The following USH2A variants were observed in gnomAD, a reference collection of about 807,000 sequenced individuals.
USH2A encodes the protein Usher syndrome 2A (autosomal recessive, mild).
USH2A carries 443 observed loss-of-function variants against 538.9 expected under a neutral mutation model. The ratio of observed to expected loss-of-function variants is 0.82; its 90% confidence interval spans 0.76 to 0.89. The LOEUF (loss-of-function observed/expected upper bound fraction) is 0.89, where lower values mean the gene tolerates loss of function less well. Ranked by LOEUF, USH2A falls within the 40% of genes least tolerant of loss-of-function variation. The pLI is 0.00. For synonymous variants in USH2A, 2,413 were observed against 2,273.5 expected (o/e 1.06, Z -1.75); for missense variants, 6,633 against 6,324.8 (o/e 1.05, Z -1.65).
chr1:216,324,229 C>G lies in USH2A; in HGVS notation c.1267G>C (p.Gly423Arg). 6.2e-7 allele frequency: 1 copy of G among 1,613,260 alleles called. No individual in the cohort carries two copies. Among genetic ancestry groups the G allele is most frequent in the Non-Finnish European group, 8.5e-7 (1 of 1,179,618 alleles). ...QYFARNCGAF[G>R]MKNNGDLEKP... The stretch of plus-strand genomic sequence containing the variant: ...TCCAAATCTCCATTGTTTTTCATTC[C>G]AAAAGCACCACAATTCCTGGCAAAA... The change falls in exon 7 of 72, where the codon GGA (glycine) becomes CGA (arginine). Residue 423 changes from glycine (G) to arginine (R), a missense_variant. Transcript: ENST00000307340.
chr1:215,685,880 T>G (rs1658409415), intron 61 of USH2A, among the ~76,000 whole-genome samples: 1 of 152,076 alleles, frequency 6.6e-6, no homozygotes, highest in Admixed American at 6.6e-5. Context: ...AAAAAGACAT[T>G]TATTTTGACA....
chr1:215,639,111 G>A (rs1438337720), intron 69 of USH2A, 44 bp downstream of exon 69: 2 of 1,568,056 alleles, frequency 1.3e-6, no homozygotes, highest in East Asian at 4.5e-5. Flanking sequence ...GTTTCTTGAG[G>A]AAGATGAATA....
In USH2A at chr1:215,900,674, T is replaced by G. The variant is rs1161038633; in HGVS notation, c.7451+81A>C. The G allele has an allele frequency of 6.3e-6, 10 of 1,592,242 alleles. No individual in the cohort carries two copies. In the East Asian group the frequency reaches 2.2e-4, roughly 36 times the overall value. ...AAAGGTAACCTATATTTTTTGCAAA[T>G]GAGAACTGACCTACTCTTCAAAAAT... is the stretch of plus-strand genomic sequence containing the variant. On this transcript the variant is annotated intron_variant, in intron 39 of 71. Coordinates refer to ENST00000307340, the MANE Select transcript of USH2A (RefSeq NM_206933.4).
rs375744536 is a variant in USH2A, at chr1:215,965,338, C to T, written c.7099G>A (p.Gly2367Arg). The T allele has an allele frequency of 4.3e-6, 7 of 1,613,510 alleles. No homozygotes were observed. The African/African-American group carries it at 6.7e-5, about 15-fold the overall frequency. ...GLLTHSVLFT[G>R]IFYVDPVGNN... ...TTACCTGGGTCTACATAGAATATCC[C>T]AGTGAAAAGGACTGAGTGTGTTAAG... The change falls in exon 37 of 72, where the codon GGG (glycine) becomes AGG (arginine). Residue 2367 changes from glycine (G) to arginine (R), a missense_variant. Gly to Arg is a moderately radical substitution (Grantham distance 125). Transcript: ENST00000307340.
At chr1:216,022,831 T>G (rs949090840) in intron 32 of USH2A, among the ~76,000 whole-genome samples, 2 of 152,134 alleles carry the variant, frequency 1.3e-5, no homozygotes, top group Admixed American at 1.3e-4. Flanking sequence ...CTATTCCACC[T>G]GGCACAGCAG....
chr1:216,348,317 C>A (rs2038217329), intron 4 of USH2A, among the ~76,000 whole-genome samples: 1 of 152,134 alleles, frequency 6.6e-6, no homozygotes, highest in South Asian at 2.1e-4. Context: ...AGGAATCAAT[C>A]TTGACTTATA....
chr1:216,283,649 A>G (rs1373163573), intron 11 of USH2A, among the ~76,000 whole-genome samples: 3 of 152,182 alleles, frequency 2.0e-5, no homozygotes, highest in East Asian at 3.9e-4. Flanking sequence ...TTTATCTCAA[A>G]TCACAAAAAA....
intron 10 of USH2A, among the ~76,000 whole-genome samples, chr1:216,290,318 A>G (rs1010533481): frequency 1.3e-5 from 2 of 152,182 alleles, no homozygotes; most frequent in Non-Finnish European, 2.9e-5. Flanking sequence ...GTTAAAAATT[A>G]AATTGATTTA....
At chr1:216,114,517 A>C (rs2032955106) in intron 21 of USH2A, among the ~76,000 whole-genome samples, 1 of 152,086 alleles carries the variant, frequency 6.6e-6, no homozygotes. Context: ...CTATGTTTCT[A>C]GTTCATTTTT....
intron 22 of USH2A, among the ~76,000 whole-genome samples, chr1:216,093,721 G>A (rs1296692345): frequency 6.6e-6 from 1 of 152,162 alleles, no homozygotes; most frequent in Non-Finnish European, 1.5e-5. Flanking sequence ...TGGTAGGGGG[G>A]TGGCTATAAA....
chr1:215,763,181 GGGA>G, intron 56 of USH2A, among the ~76,000 whole-genome samples: 1 of 152,264 alleles, frequency 6.6e-6, no homozygotes, highest in South Asian at 2.1e-4. Context: ...CACTGTGGAT[GGGA>G]AGATAAAGAC....
chr1:215,849,518 A>G (rs1663961744), intron 44 of USH2A, among the ~76,000 whole-genome samples: 1 of 152,230 alleles, frequency 6.6e-6, no homozygotes, highest in South Asian at 2.1e-4. Flanking sequence ...ATAGACATCG[A>G]GAACAGAAAA....
intron 58 of USH2A, among the ~76,000 whole-genome samples, chr1:215,747,310 A>G (rs1281143258): frequency 1.3e-5 from 2 of 152,192 alleles, no homozygotes; most frequent in African/African-American, 4.8e-5. Flanking sequence ...ACAGGAAAAG[A>G]TATCATAACA....
chr1:215,677,207 A>G (rs775750403), intron 62 of USH2A, among the ~76,000 whole-genome samples: 2 of 152,158 alleles, frequency 1.3e-5, no homozygotes, highest in Non-Finnish European at 2.9e-5. Flanking sequence ...TTTGCTATGA[A>G]TGAAATATCT....
intron 32 of USH2A, among the ~76,000 whole-genome samples, chr1:216,031,796 T>C (rs988939139): frequency 1.3e-5 from 2 of 152,178 alleles, no homozygotes; most frequent in Non-Finnish European, 2.9e-5. Flanking sequence ...TTACCCAGGG[T>C]GCACACTCAT....
intron 22 of USH2A, among the ~76,000 whole-genome samples, chr1:216,094,911 C>T (rs966720787): frequency 1.3e-5 from 2 of 151,872 alleles, no homozygotes; most frequent in Admixed American, 6.6e-5. Context: ...GTATCTACCT[C>T]ACAGAGTTGT....
At chr1:215,861,214 T>C (rs1305227648) in intron 44 of USH2A, among the ~76,000 whole-genome samples, 1 of 152,232 alleles carries the variant, frequency 6.6e-6, no homozygotes, top group African/African-American at 2.4e-5. Context: ...TCTCTCATAG[T>C]GTTCCAGCTT....
intron 70 of USH2A, chr1:215,630,408 ATGTGTGTGTATATATATG>A (rs1156558595): frequency 1.3e-5 from 5 of 383,748 alleles, no homozygotes; most frequent in African/African-American, 4.3e-5. Flanking sequence ...ATATGTATAT[ATGTGTGTGTATATATATG>A]TGTGTGTGTA....
intron 19 of USH2A, among the ~76,000 whole-genome samples, chr1:216,195,133 T>C: frequency 6.6e-6 from 1 of 152,158 alleles, no homozygotes; most frequent in East Asian, 1.9e-4. Flanking sequence ...GCCATGCAGC[T>C]AGAGCTACTT....
Sources: allele counts gnomAD v4.1 joint callset (sites outside exome capture counted in the v4.1 genomes callset), GRCh38; gene constraint gnomAD v4.1.1; transcripts MANE v1.5; gene names NCBI Gene and HGNC (gene_info 2026-07-23, HGNC 2026-07-21).